Variants in NCOA2 observed in about 807,000 individuals in gnomAD.
NCOA2 encodes class E basic helix-loop-helix protein 75.
A neutral mutation model predicts 145.1 loss-of-function variants in NCOA2; 21 were observed. The ratio of observed to expected loss-of-function variants is 0.14; its 90% confidence interval spans 0.10 to 0.21. The LOEUF (loss-of-function observed/expected upper bound fraction) is 0.21. Ranked by LOEUF, NCOA2 falls within the 10% of genes least tolerant of loss-of-function variation. NCOA2 has a pLI of 1.00. For missense variants in NCOA2, 1,472 were observed against 1,837.6 expected, an observed-to-expected ratio of 0.80 and a Z score of 3.64; for synonymous variants, 619 against 637.5, an observed-to-expected ratio of 0.97 and a Z score of 0.44.
chr8:70,320,853 A>G (rs1805991464), intron 1 of NCOA2, among the ~76,000 whole-genome samples: 1 of 152,180 alleles, frequency 6.6e-6, no homozygotes. Flanking sequence ...AGTATGATTC[A>G]CTGTGCATAT....
intron 4 of NCOA2, among the ~76,000 whole-genome samples, chr8:70,200,712 A>G (rs562731841): frequency 9.8e-5 from 15 of 152,300 alleles, no homozygotes; most frequent in South Asian, 2.1e-4. Context: ...CAAGGTAACT[A>G]TAATAGTCAA....
chr8:70,191,228 G>A (rs1458835598), intron 4 of NCOA2, among the ~76,000 whole-genome samples: 1 of 152,210 alleles, frequency 6.6e-6, no homozygotes, highest in African/African-American at 2.4e-5. Flanking sequence ...GGAATGGGCA[G>A]AGAGTATATT....
chr8:70,363,002 C>T (rs1481051545), intron 1 of NCOA2, among the ~76,000 whole-genome samples: 3 of 148,888 alleles, frequency 2.0e-5, no homozygotes, highest in African/African-American at 5.0e-5. Flanking sequence ...CACCTGAGCC[C>T]GGAGAGGTCG....
chr8:70,137,635 ACAGCAGC>A (rs1809885993), intron 15 of NCOA2, among the ~76,000 whole-genome samples: 1 of 152,256 alleles, frequency 6.6e-6, no homozygotes, highest in East Asian at 1.9e-4. Context: ...TCCAAGTATG[ACAGCAGC>A]TCCAAGTGCG....
chr8:70,123,369 C>G (rs1048323259), intron 21 of NCOA2, among the ~76,000 whole-genome samples: 2 of 152,132 alleles, frequency 1.3e-5, no homozygotes, highest in Non-Finnish European at 2.9e-5. Flanking sequence ...CTATAATCCT[C>G]TAGCCGGGCA....
At chr8:70,365,904 G>A (rs1205626416) in intron 1 of NCOA2, among the ~76,000 whole-genome samples, 1 of 152,210 alleles carries the variant, frequency 6.6e-6, no homozygotes, top group East Asian at 1.9e-4. Context: ...AAGAGAGCCA[G>A]GCCCTTAACA....
chr8:70,328,346 T>C (rs1466026248), intron 1 of NCOA2, among the ~76,000 whole-genome samples: 1 of 152,236 alleles, frequency 6.6e-6, no homozygotes, highest in Non-Finnish European at 1.5e-5. Flanking sequence ...TCAGTTCTTC[T>C]ACAAGACAAT....
At chr8:70,411,032 A>AGGG in the NCOA2 span, among the ~76,000 whole-genome samples, 1 of 152,208 alleles carries the variant, frequency 6.6e-6, no homozygotes, top group Non-Finnish European at 1.5e-5. Flanking sequence ...TTGTACCCTT[A>AGGG]GGATTTGTGT....
chr8:70,205,563 G>A lies in NCOA2; in HGVS notation c.259+8340C>T, dbSNP rs1411194122. 2.0e-5 allele frequency among the ~76,000 whole-genome samples: 3 copies of A among 151,942 alleles called. No individual in the cohort carries two copies. The East Asian group carries it at 5.8e-4, about 29-fold the overall frequency. On this transcript the variant is annotated intron_variant, in intron 4 of 22. Coordinates refer to ENST00000452400, the MANE Select transcript of NCOA2 (RefSeq NM_006540.4). ...CAGAATAGCTGTGATACTCCATCAG[G>A]ATGGCCTACTAAAGGTGAGCAGATG... is the stretch of plus-strand genomic sequence containing the variant.
the NCOA2 span, among the ~76,000 whole-genome samples, chr8:70,435,999 G>A: frequency 3.3e-4 from 50 of 151,844 alleles, no homozygotes; most frequent in Admixed American, 1.8e-3. Flanking sequence ...ATCCATGATC[G>A]TTTTTCCTCT....
intron 2 of NCOA2, among the ~76,000 whole-genome samples, chr8:70,268,750 C>A (rs1048502094): frequency 6.6e-6 from 1 of 152,096 alleles, no homozygotes; most frequent in Admixed American, 6.6e-5. Context: ...CAGAAAAGCA[C>A]CTAACATGAA....
rs1755699021 is a variant in NCOA2, at chr8:70,156,546, C to T, written c.1819G>A (p.Gly607Arg). 1 of 1,613,916 alleles carries T rather than the reference C, an allele frequency of 6.2e-7. No individual in the cohort carries two copies. The highest frequency in any genetic ancestry group is 8.5e-7 in the Non-Finnish European group (1 of 1,179,876). The change falls in exon 11 of 23, where the codon GGA becomes AGA. Residue 607 changes from glycine (G) to arginine (R), a missense_variant. Gly to Arg is a moderately radical substitution (Grantham distance 125). Around this residue, in one of 4 missense-constraint regions of NCOA2, gnomAD observed 953 missense variants for 1,062.1 expected, o/e 0.90. Transcript: ENST00000452400. ...GGGTCATTTGTTTCCTTTTGCTCTC[C>T]AGGATGGCAGCTGCTCTCTGCTTGT... Reference protein sequence around the residue: ...TGQAESSCHPGEQKETNDPNL... With the variant: ...TGQAESSCHPREQKETNDPNL...
At chr8:70,389,405 G>A (rs966606768) in intron 1 of NCOA2, among the ~76,000 whole-genome samples, 14 of 147,916 alleles carry the variant, frequency 9.5e-5, no homozygotes, top group Admixed American at 7.4e-4. Flanking sequence ...CTCAGCCTCC[G>A]GAGTAGCTGG....
At chr8:70,214,970 G>C (rs935259186) in intron 3 of NCOA2, among the ~76,000 whole-genome samples, 1 of 151,820 alleles carries the variant, frequency 6.6e-6, no homozygotes, top group Admixed American at 6.6e-5. Flanking sequence ...AAAATTTCTG[G>C]ATTCACAATA....
At chr8:70,213,712 G>A (rs1819291384) in intron 4 of NCOA2, among the ~76,000 whole-genome samples, 191 bp downstream of exon 4, 2 of 152,222 alleles carry the variant, frequency 1.3e-5, no homozygotes, top group South Asian at 2.1e-4. Flanking sequence ...TTAGGGTATG[G>A]CTGAATTTTA....
chr8:70,333,951 T>G (rs1248224569), intron 1 of NCOA2, among the ~76,000 whole-genome samples: 1 of 152,194 alleles, frequency 6.6e-6, no homozygotes, highest in Non-Finnish European at 1.5e-5. Context: ...TAATCCTCTC[T>G]TCTTTTGGTG....
At chr8:70,395,560 A>G (rs1247067049) in intron 1 of NCOA2, among the ~76,000 whole-genome samples, 1 of 152,252 alleles carries the variant, frequency 6.6e-6, no homozygotes, top group African/African-American at 2.4e-5. Flanking sequence ...CATTTCGACA[A>G]TAACTGAAAG....
intron 2 of NCOA2, among the ~76,000 whole-genome samples, chr8:70,287,013 T>C (rs1192473673): frequency 1.3e-5 from 2 of 152,110 alleles, no homozygotes; most frequent in Non-Finnish European, 2.9e-5. Flanking sequence ...GAGGCAGAGA[T>C]GGGCGGATCA....
intron 1 of NCOA2, among the ~76,000 whole-genome samples, chr8:70,388,589 G>A (rs779802098): frequency 1.7e-4 from 26 of 152,134 alleles, no homozygotes; most frequent in Non-Finnish European, 3.7e-4. Context: ...TAAGGTCTTC[G>A]AGGATAGGAA....
Sources: gnomAD v4.1 joint callset for allele counts (sites outside exome capture counted in the v4.1 genomes callset) on GRCh38, gnomAD v4.1.1 for gene constraint, gnomAD v4.1.1 regional missense constraint, MANE v1.5 for transcripts, NCBI Gene and HGNC (gene_info 2026-07-23, HGNC 2026-07-21) for gene names.